EPB41L2: variants seen among roughly 807,000 people sequenced by gnomAD.
The protein encoded by EPB41L2 is band 4.1-like protein 2.
In EPB41L2, 43 loss-of-function variants were observed where a neutral mutation model predicts 113.0. The observed-to-expected ratio is 0.38, with a 90% CI of 0.30 to 0.49. EPB41L2 has a LOEUF of 0.49. Ranked by LOEUF, EPB41L2 falls within the 20% of genes least tolerant of loss-of-function variation. EPB41L2 has a pLI of 0.95. For missense variants in EPB41L2, 1,147 were observed against 1,223.4 expected, an observed-to-expected ratio of 0.94 and a Z score of 0.93; for synonymous variants, 442 against 436.7, an observed-to-expected ratio of 1.01 and a Z score of -0.15.
chr6:130,969,299 G>A (rs956287136), intron 1 of EPB41L2, among the ~76,000 whole-genome samples: 6 of 152,110 alleles, frequency 3.9e-5, no homozygotes, highest in African/African-American at 9.7e-5. Context: ...GTGATATAGA[G>A]CATCCCTAAC....
chr6:130,929,184 G>A (rs1805833696), intron 3 of EPB41L2, among the ~76,000 whole-genome samples: 1 of 152,160 alleles, frequency 6.6e-6, no homozygotes, highest in Non-Finnish European at 1.5e-5. Flanking sequence ...AGAGAGCGAT[G>A]TACAAAGTGC....
At chr6:131,047,173 T>C (rs1437240012) in intron 1 of EPB41L2, among the ~76,000 whole-genome samples, 1 of 152,050 alleles carries the variant, frequency 6.6e-6, no homozygotes, top group African/African-American at 2.4e-5. Context: ...TAAATAAATG[T>C]AAAAGTGCTT....
At chr6:131,043,503 G>A (rs1474806216) in intron 1 of EPB41L2, among the ~76,000 whole-genome samples, 3 of 152,050 alleles carry the variant, frequency 2.0e-5, no homozygotes, top group Non-Finnish European at 1.5e-5. Flanking sequence ...ACTACATAGG[G>A]ATGGAATCAG....
At chr6:130,880,250 A>C (rs768072546) in intron 12 of EPB41L2, 44 bp from the exon 13 acceptor site, 3 of 1,399,546 alleles carry the variant, frequency 2.1e-6, no homozygotes, top group African/African-American at 2.8e-5. Flanking sequence ...GCAAATAAAC[A>C]TAAGTGTATC....
chr6:130,843,634 A>C (rs921316724), intron 19 of EPB41L2, among the ~76,000 whole-genome samples: 2 of 152,212 alleles, frequency 1.3e-5, no homozygotes, highest in East Asian at 3.9e-4. Flanking sequence ...AGTCAACAAA[A>C]ATAAAAGCAT....
intron 10 of EPB41L2, among the ~76,000 whole-genome samples, chr6:130,891,835 G>T (rs1490736553): frequency 1.3e-5 from 2 of 152,064 alleles, no homozygotes; most frequent in African/African-American, 2.4e-5. Context: ...CAGATTAATG[G>T]CTTCAATCTG....
rs76155347 is a variant in EPB41L2, at chr6:131,014,369, C to T, written c.-15+48786G>A. Among the ~76,000 whole-genome samples, 1,156 of 152,200 alleles carry T rather than the reference C, an allele frequency of 7.6e-3. 11 individuals are homozygous for T. Among genetic ancestry groups the T allele is most frequent in the African/African-American group, 0.024 (1,012 of 41,546 alleles). On this transcript the variant is annotated intron_variant, in intron 1 of 19. Coordinates refer to ENST00000337057, the MANE Select transcript of EPB41L2 (RefSeq NM_001431.4). ...AAATTAAAGATGACCCTTTAAAAAC[C>T]AGGAATCCCTTTGTATCCCATTTGG...
intron 6 of EPB41L2, 30 bp from the exon 7 acceptor site, chr6:130,901,210 G>C (rs775920061): frequency 6.3e-7 from 1 of 1,593,052 alleles, no homozygotes; most frequent in Non-Finnish European, 8.6e-7. Context: ...AAATGGGTCA[G>C]GGGAGAACCA....
intron 11 of EPB41L2, among the ~76,000 whole-genome samples, chr6:130,886,272 C>T (rs977260974): frequency 3.3e-5 from 5 of 152,162 alleles, no homozygotes; most frequent in African/African-American, 9.7e-5. Flanking sequence ...ATACATGTAT[C>T]CCAAGCTACC....
chr6:130,880,877 G>A (rs184620978), intron 12 of EPB41L2: 32 of 185,198 alleles, frequency 1.7e-4, no homozygotes, highest in Admixed American at 1.0e-3. Flanking sequence ...TGTAAAATTC[G>A]TTTTTAGCTT....
At chr6:131,027,029 T>C (rs1369590786) in intron 1 of EPB41L2, among the ~76,000 whole-genome samples, 1 of 152,228 alleles carries the variant, frequency 6.6e-6, no homozygotes, top group African/African-American at 2.4e-5. Flanking sequence ...TCTGACTTAC[T>C]AAATAAGCTC....
intron 1 of EPB41L2, among the ~76,000 whole-genome samples, chr6:131,006,371 T>C (rs1332873313): frequency 6.6e-6 from 1 of 150,986 alleles, no homozygotes; most frequent in African/African-American, 2.4e-5. Flanking sequence ...TCTTTTTAAG[T>C]TCACTTAAGG....
chr6:130,934,340 A>T (rs1466577735), intron 3 of EPB41L2, among the ~76,000 whole-genome samples: 2 of 152,210 alleles, frequency 1.3e-5, no homozygotes, highest in Non-Finnish European at 2.9e-5. Flanking sequence ...TTCTTAAGAA[A>T]AGCTTCCCTG....
At chr6:130,929,805 T>C (rs1416660630) in intron 3 of EPB41L2, among the ~76,000 whole-genome samples, 2 of 148,654 alleles carry the variant, frequency 1.3e-5, no homozygotes, top group African/African-American at 5.0e-5. Flanking sequence ...GGATGAGGAA[T>C]AGCAGATAGA....
chr6:130,926,839 C>T (rs1029854880), intron 3 of EPB41L2, 130 bp from the exon 4 acceptor site: 3 of 617,504 alleles, frequency 4.9e-6, no homozygotes, highest in South Asian at 2.3e-5. Flanking sequence ...CATTTTCTAA[C>T]AATATAAAAG....
At chr6:131,059,573 T>A (rs925952608) in intron 1 of EPB41L2, among the ~76,000 whole-genome samples, 2 of 152,228 alleles carry the variant, frequency 1.3e-5, no homozygotes, top group Non-Finnish European at 2.9e-5. Flanking sequence ...TGCCAAAACA[T>A]GGCATCCCAA....
intron 3 of EPB41L2, among the ~76,000 whole-genome samples, chr6:130,951,796 AAAGT>A (rs1815208998): frequency 6.6e-6 from 1 of 151,912 alleles, no homozygotes; most frequent in Non-Finnish European, 1.5e-5. Context: ...AATGTGAGTT[AAAGT>A]AATATATACC....
chr6:130,958,652 G>A (rs766501520), intron 1 of EPB41L2, among the ~76,000 whole-genome samples: 5 of 152,066 alleles, frequency 3.3e-5, no homozygotes, highest in African/African-American at 1.2e-4. Context: ...GGAAACATGA[G>A]AACATTCCTC....
chr6:131,028,831 A>G (rs1459230654), intron 1 of EPB41L2, among the ~76,000 whole-genome samples: 1 of 152,180 alleles, frequency 6.6e-6, no homozygotes, highest in Non-Finnish European at 1.5e-5. Context: ...GCTCTAAGTA[A>G]TAATTATCTA....
Sources: allele counts gnomAD v4.1 joint callset (sites outside exome capture counted in the v4.1 genomes callset), GRCh38; gene constraint gnomAD v4.1.1; transcripts MANE v1.5; gene names NCBI Gene and HGNC (gene_info 2026-07-23, HGNC 2026-07-21).